NPR2: variants seen among roughly 807,000 people sequenced by gnomAD.
NPR2 encodes natriuretic peptide receptor 2.
NPR2 carries 49 observed loss-of-function variants against 120.7 expected under a neutral mutation model. That is an observed-to-expected ratio of 0.41 (90% CI 0.32 to 0.52). NPR2 has a LOEUF of 0.52. Among genes scored for constraint, NPR2 ranks in the 20% least tolerant of loss-of-function variants. The pLI is 0.36. For missense variants in NPR2, 931 were observed against 1,362.9 expected (o/e 0.68, Z 4.99); for synonymous variants, 484 against 519.8 (o/e 0.93, Z 0.94).
chr9:35,808,603 C>T lies in NPR2; in HGVS notation c.2807C>T (p.Ala936Val), dbSNP rs2132100815. 6.2e-7 allele frequency: 1 copy of T among 1,614,178 alleles called. No homozygotes were observed. The highest frequency in any genetic ancestry group is 1.1e-5 in the South Asian group (1 of 91,088). The stretch of plus-strand genomic sequence containing the variant: ...CCAGAAATTGCTCGTATGGCCCTAG[C>T]ATTACTAGATGCAGTTTCTTCCTTT... ...HAPEIARMAL[A>V]LLDAVSSFRI... The change falls in exon 19 of 22, where the codon GCA (alanine) becomes GTA (valine). Residue 936 changes from alanine to valine, a missense_variant. Physicochemically the swap from Ala to Val is moderately conservative, Grantham distance 64. This residue lies in a region of NPR2 where 184 missense variants were observed against 328.3 expected (regional missense o/e 0.56). Coordinates refer to ENST00000342694, the MANE Select transcript of NPR2 (RefSeq NM_003995.4). The surrounding 1 kb of genome is among the most constrained non-coding windows in gnomAD (Gnocchi z 4.0).
Position 35,809,152 on chromosome 9 carries a change from C to G in NPR2, c.2987-4C>G, listed in dbSNP as rs1828605434. ...CACCATCCTCCCCATTCCACCCACCCCAGCGCTGAAGATCCATGTCTCCTC... is the reference window on the plus strand; with the variant it reads ...CACCATCCTCCCCATTCCACCCACCGCAGCGCTGAAGATCCATGTCTCCTC... On this transcript the variant is annotated splice_polypyrimidine_tract_variant and splice_region_variant and intron_variant, in intron 20 of 21. Transcript: ENST00000342694. The surrounding 1 kb of genome is among the most constrained non-coding windows in gnomAD (Gnocchi z 4.1). 2.5e-6 allele frequency: 4 copies of G among 1,613,060 alleles called. No individual in the cohort carries two copies. The highest frequency in any genetic ancestry group is 1.3e-5 in the African/African-American group (1 of 74,982).
rs777123865 is a variant in NPR2 at position 35,794,056 on chromosome 9, G to C, written c.826G>C (p.Asp276His). Residue 276 changes from aspartate to histidine, a missense_variant, in exon 2 of 22, where the codon GAC becomes CAC. Physicochemically the swap from Asp to His is moderately conservative, Grantham distance 81 (BLOSUM62 -1). Around this residue, in one of 3 missense-constraint regions of NPR2, gnomAD observed 681 missense variants for 974.3 expected, o/e 0.70. Transcript: ENST00000342694. ...ACGTGCTACAGGCCGGCCCTGGCAG[G>C]ACAATCGCACCCGGGAACAGGCCCA... ...PTRATGRPWQ[D>H]NRTREQAQAL... The C allele has an allele frequency of 4.3e-6, 7 of 1,614,102 alleles. No homozygotes were observed. Among genetic ancestry groups the C allele is most frequent in the African/African-American group, 1.3e-5 (1 of 74,926 alleles).
chr9:35,792,115 C>T lies in NPR2; in HGVS notation c.-294C>T. ...ATTTATCAGGCTTCTTCACCTCGCA[C>T]TGTCCCCATCCTGGCCGCAGGCCCC... On this transcript the variant is annotated 5_prime_UTR_variant, in exon 1 of 22. Transcript: ENST00000342694. 2.2e-6 allele frequency: 1 copy of T among 451,864 alleles called. No individual in the cohort carries two copies. Among genetic ancestry groups the T allele is most frequent in the Non-Finnish European group, 4.1e-6 (1 of 245,796 alleles). The allele number at this position is 451,864 out of a possible 1,614,324, so 28.0% of individuals were successfully genotyped here. A position where few individuals can be genotyped will look rare whatever the true frequency, so the allele number is the denominator to read the frequency against.
chr9:35,799,772 T>C (rs1362422942), intron 3 of NPR2, 41 bp downstream of exon 3: 4 of 1,546,078 alleles, frequency 2.6e-6, no homozygotes, highest in Non-Finnish European at 8.9e-7. Flanking sequence ...GGTCAAGCTT[T>C]GGGGAAGGGC....
chr9:35,802,323 A>G lies in NPR2; in HGVS notation c.1710+40A>G. The G allele has an allele frequency of 8.2e-7, 1 of 1,222,058 alleles. No individual in the cohort carries two copies. The highest frequency in any genetic ancestry group is 1.2e-6 in the Non-Finnish European group (1 of 825,578). The allele number at this position is 1,222,058 out of a possible 1,614,324, so 75.7% of individuals were successfully genotyped here. ...ATGGACTCTAACATGTATGTAATGG[A>G]GGAGTGGGGAAAACTATGAAATAGT... On this transcript the variant is annotated intron_variant, in intron 10 of 21. Transcript: ENST00000342694. The surrounding 1 kb of genome is among the most constrained non-coding windows in gnomAD (Gnocchi z 4.2).
In NPR2 at chr9:35,808,461, C is replaced by T. The variant is rs949310639; in HGVS notation, c.2713-48C>T. The T allele has an allele frequency of 6.3e-7, 1 of 1,589,698 alleles. No individual in the cohort carries two copies. Among genetic ancestry groups the T allele is most frequent in the African/African-American group, 1.3e-5 (1 of 74,432 alleles). ...CTTGTCTCCCTCTACTTTTTCCCATCCCCATGGATATAAATAGAGGTGACC... is the reference window on the plus strand; with the variant it reads ...CTTGTCTCCCTCTACTTTTTCCCATTCCCATGGATATAAATAGAGGTGACC... On this transcript the variant is annotated intron_variant, in intron 18 of 21. Transcript: ENST00000342694. This position sits in a 1 kb window ranked among gnomAD's most constrained non-coding sequence, Gnocchi z 4.0.
At position 35,793,923 on chromosome 9, in the gene NPR2, G is replaced by A. The variant is rs1827865749; in HGVS notation, c.693G>A (p.Glu231=). The change falls in exon 2 of 22, where the codon GAG becomes GAA. Residue 231 remains glutamate, a synonymous_variant. Coordinates refer to ENST00000342694, the MANE Select transcript of NPR2 (RefSeq NM_003995.4). The part of the protein sequence containing the change: ...GRIVYICGPL[E]MLHEILLQAQ... Reference sequence around the variant, plus strand: ...TTGTGTATATCTGCGGCCCTCTGGAGATGCTGCATGAGATCCTGCTTCAGG... The same window carrying A: ...TTGTGTATATCTGCGGCCCTCTGGAAATGCTGCATGAGATCCTGCTTCAGG... 1 of 1,614,086 alleles carries A rather than the reference G, an allele frequency of 6.2e-7. No individual in the cohort carries two copies. Among genetic ancestry groups the A allele is most frequent in the Non-Finnish European group, 8.5e-7 (1 of 1,180,034 alleles).
chr9:35,809,332 G>A lies in NPR2; in HGVS notation c.3079-48G>A. 1.9e-6 allele frequency: 3 copies of A among 1,612,094 alleles called. No individual in the cohort carries two copies. The highest frequency in any genetic ancestry group is 2.5e-6 in the Non-Finnish European group (3 of 1,178,308). ...TCATAGGGAAAGAGAGGGAGACAAA[G>A]GGACTAACATCGAAGCATCTGAATC... On this transcript the variant is annotated intron_variant, in intron 21 of 21. Transcript: ENST00000342694. This position sits in a 1 kb window ranked among gnomAD's most constrained non-coding sequence, Gnocchi z 4.1.
At chr9:35,797,278 G>T (rs768280913) in intron 2 of NPR2, among the ~76,000 whole-genome samples, 6 of 152,136 alleles carry the variant, frequency 3.9e-5, no homozygotes, top group Non-Finnish European at 7.3e-5. Context: ...GGGAAGAAAA[G>T]ATTGAGTGGA....
chr9:35,792,703 C>T lies in NPR2; in HGVS notation c.295C>T (p.Pro99Ser), dbSNP rs764017273. 2 of 1,614,032 alleles carry T rather than the reference C, an allele frequency of 1.2e-6. No individual in the cohort carries two copies. The highest frequency in any genetic ancestry group is 2.7e-5 in the African/African-American group (2 of 74,924). The change falls in exon 1 of 22, where the codon CCC (proline) becomes TCC (serine). Residue 99 changes from proline (P) to serine (S), a missense_variant. Physicochemically the swap from Pro to Ser is moderately conservative, Grantham distance 74 (BLOSUM62 -1). This residue lies in a region of NPR2 where 681 missense variants were observed against 974.3 expected (regional missense o/e 0.70). Transcript: ENST00000342694. ...CCATGACCCCGACCTGCTGTTAGGT[C>T]CCGGTTGCGTGTACCCTGCTGCCTC... ...LYHDPDLLLGPGCVYPAASVA... is the reference protein window; with the variant it reads ...LYHDPDLLLGSGCVYPAASVA...
At position 35,792,352 on chromosome 9, in the gene NPR2, C is replaced by A; in HGVS notation, c.-57C>A. 1 of 1,570,288 alleles carries A rather than the reference C, an allele frequency of 6.4e-7. No homozygotes were observed. The highest frequency in any genetic ancestry group is 8.6e-7 in the Non-Finnish European group (1 of 1,158,764). On this transcript the variant is annotated 5_prime_UTR_variant, in exon 1 of 22. Transcript: ENST00000342694. ...CAGGCTGGGGGGTGCTCGCGTCTCC[C>A]CTGTAGGCCAGAGCAGCCCCAAGTT...
At position 35,802,618 on chromosome 9, in the gene NPR2, G is replaced by T; in HGVS notation, c.1815+11G>T. ...CGTGGGAGTTTACAGGTGAGGGATA[G>T]GTGTAGGAGATTATGGCAGGGGTGG... On this transcript the variant is annotated intron_variant, in intron 11 of 21. Coordinates refer to ENST00000342694, the MANE Select transcript of NPR2 (RefSeq NM_003995.4). This position sits in a 1 kb window ranked among gnomAD's most constrained non-coding sequence, Gnocchi z 4.2. The T allele has an allele frequency of 6.5e-7, 1 of 1,530,214 alleles. No individual in the cohort carries two copies. Among genetic ancestry groups the T allele is most frequent in the Non-Finnish European group, 9.1e-7 (1 of 1,103,556 alleles). 94.8% of individuals were successfully genotyped at this position (1,530,214 alleles called of 1,614,324 possible). A position where few individuals can be genotyped will look rare whatever the true frequency, so the allele number is the denominator to read the frequency against.
At position 35,800,441 on chromosome 9, in the gene NPR2, T is replaced by G; in HGVS notation, c.1176T>G (p.Phe392Leu). Residue 392 changes from phenylalanine to leucine, a missense_variant, in exon 5 of 22, where the codon TTT (phenylalanine) becomes TTG (leucine). Physicochemically the swap from Phe to Leu is conservative, Grantham distance 22. This residue lies in a region of NPR2 where 681 missense variants were observed against 974.3 expected (regional missense o/e 0.70). Transcript: ENST00000342694. The surrounding 1 kb of genome is among the most constrained non-coding windows in gnomAD (Gnocchi z 4.7). Reference protein sequence around the residue: ...MDKNNDRETDFVLWAMGDLDS... With the variant: ...MDKNNDRETDLVLWAMGDLDS... ...AGAACAATGACCGAGAGACTGACTT[T>G]GTCCTCTGGGCCATGGGAGACCTGG... 9 of 1,614,162 alleles carry G rather than the reference T, an allele frequency of 5.6e-6. No homozygotes were observed. Among genetic ancestry groups the G allele is most frequent in the Non-Finnish European group, 5.1e-6 (6 of 1,179,994 alleles).
chr9:35,803,447 C>G (rs148062594), intron 12 of NPR2, among the ~76,000 whole-genome samples: 2 of 152,166 alleles, frequency 1.3e-5, no homozygotes, highest in Non-Finnish European at 2.9e-5. Context: ...ATTTTACTCT[C>G]CGAACATATT....
rs1053424135 is a variant in NPR2 at position 35,793,117 on chromosome 9, T to C, written c.667+42T>C. ...CTATTTTAGGGTCATGGGAGGAGGG[T>C]CGCTGTGTCCCTAAAGCTCAGCACT... is the stretch of plus-strand genomic sequence containing the variant. On this transcript the variant is annotated intron_variant, in intron 1 of 21. Transcript: ENST00000342694. 7 of 1,538,722 alleles carry C rather than the reference T, an allele frequency of 4.5e-6. No individual in the cohort carries two copies. In the Admixed American group the frequency reaches 1.1e-4, roughly 24 times the overall value.
rs1828381903 is a variant in NPR2, at chr9:35,806,319, G to A, written c.2373-73G>A. 21 of 1,609,688 alleles carry A rather than the reference G, an allele frequency of 1.3e-5. No individual in the cohort carries two copies. In the South Asian group the frequency reaches 2.3e-4, roughly 18 times the overall value. ...ATGAAGTGGGGCAGGTGGGACCAGA[G>A]GGTGGGTTGGATAGGAAGTCCTGGG... On this transcript the variant is annotated intron_variant, in intron 15 of 21. Transcript: ENST00000342694. The surrounding 1 kb of genome is among the most constrained non-coding windows in gnomAD (Gnocchi z 4.6).
Position 35,806,180 on chromosome 9 carries a change from A to C in NPR2, c.2319A>C (p.Pro773=). The change falls in exon 15 of 22, where the codon CCA becomes CCC. Residue 773 remains proline (P), a synonymous_variant. Transcript: ENST00000342694. The surrounding 1 kb of genome is among the most constrained non-coding windows in gnomAD (Gnocchi z 4.6). ...TGGAGCGATGTTGGGCTCAGGACCC[A>C]GCTGAGCGGCCAGACTTTGGACAGA... ...LLMERCWAQD[P]AERPDFGQIK... 6.2e-7 allele frequency: 1 copy of C among 1,614,242 alleles called. No homozygotes were observed. Among genetic ancestry groups the C allele is most frequent in the Non-Finnish European group, 8.5e-7 (1 of 1,180,044 alleles).
Position 35,809,140 on chromosome 9 carries a change from AT to A in NPR2, c.2987-14del. ...GATTCCTCATTCCACCATCCTCCCC[AT>A]TCCACCCACCCCAGCGCTGAAGATC... On this transcript the variant is annotated splice_polypyrimidine_tract_variant and intron_variant, in intron 20 of 21. Coordinates refer to ENST00000342694, the MANE Select transcript of NPR2 (RefSeq NM_003995.4). This position sits in a 1 kb window ranked among gnomAD's most constrained non-coding sequence, Gnocchi z 4.1. 6.2e-7 allele frequency: 1 copy of A among 1,609,132 alleles called. No homozygotes were observed. The highest frequency in any genetic ancestry group is 8.5e-7 in the Non-Finnish European group (1 of 1,175,798).
In NPR2 at chr9:35,793,103, T is replaced by A. The variant is rs766233101; in HGVS notation, c.667+28T>A. The A allele has an allele frequency of 1.9e-6, 3 of 1,565,114 alleles. No homozygotes were observed. The South Asian group carries it at 3.5e-5, about 18-fold the overall frequency. On this transcript the variant is annotated intron_variant, in intron 1 of 21. Coordinates refer to ENST00000342694, the MANE Select transcript of NPR2 (RefSeq NM_003995.4). ...GAGTGTGGCCTGGGCTATTTTAGGGTCATGGGAGGAGGGTCGCTGTGTCCC... is the reference window on the plus strand; with the variant it reads ...GAGTGTGGCCTGGGCTATTTTAGGGACATGGGAGGAGGGTCGCTGTGTCCC...
Sources: allele counts gnomAD v4.1 joint callset (sites outside exome capture counted in the v4.1 genomes callset), GRCh38; gene constraint gnomAD v4.1.1; regional missense constraint gnomAD v4.1.1; non-coding constraint Gnocchi (gnomAD v3.1); transcripts MANE v1.5; gene names NCBI Gene and HGNC (gene_info 2026-07-23, HGNC 2026-07-21).